The following UVRAG variants were observed in gnomAD, a reference collection of about 807,000 sequenced individuals.
UVRAG encodes the protein UV radiation resistance-associated gene protein.
In UVRAG, 19 loss-of-function variants were observed where a neutral mutation model predicts 78.0. That is an observed-to-expected ratio of 0.24 (90% CI 0.17 to 0.36). The LOEUF is 0.36. Among genes scored for constraint, UVRAG ranks in the 10% least tolerant of loss-of-function variants. UVRAG has a pLI of 1.00. For synonymous variants in UVRAG, 323 were observed against 324.6 expected (o/e 1.00, Z 0.05); for missense variants, 740 against 853.8 (o/e 0.87, Z 1.66).
intron 13 of UVRAG, among the ~76,000 whole-genome samples, chr11:76,092,781 A>G (rs1202050119): frequency 6.6e-6 from 1 of 152,118 alleles, no homozygotes; most frequent in Non-Finnish European, 1.5e-5. Flanking sequence ...CCCATTCTGT[A>G]GGTCACCTGT....
intron 5 of UVRAG, among the ~76,000 whole-genome samples, chr11:75,904,760 A>C (rs1662046919): frequency 6.6e-6 from 1 of 151,334 alleles, no homozygotes; most frequent in Non-Finnish European, 1.5e-5. Flanking sequence ...GTGAGTATTA[A>C]ATGTGTTAAC....
chr11:76,016,910 A>G lies in UVRAG; in HGVS notation c.1156A>G (p.Ile386Val), dbSNP rs770597450. Residue 386 changes from isoleucine (I) to valine (V), a missense_variant, in exon 12 of 15, where the codon ATA becomes GTA. Ile to Val is a conservative substitution (Grantham distance 29). Coordinates refer to ENST00000356136, the MANE Select transcript of UVRAG (RefSeq NM_003369.4). ...FFLQVPLRYP[I>V]IHKGSRSTIK... ...CCTACAAGTGCCCCTCAGATATCCT[A>G]TAATTCATAAGGGGTCTAGATCAAC... is the stretch of plus-strand genomic sequence containing the variant. 2.3e-5 allele frequency: 37 copies of G among 1,612,238 alleles called. No homozygotes were observed. The highest frequency in any genetic ancestry group is 1.1e-4 in the African/African-American group (8 of 74,864).
intron 13 of UVRAG, among the ~76,000 whole-genome samples, chr11:76,112,230 C>CA: frequency 6.6e-6 from 1 of 152,186 alleles, no homozygotes; most frequent in South Asian, 2.1e-4. Context: ...GATCAGGAAC[C>CA]AGCATGTTAA....
intron 6 of UVRAG, among the ~76,000 whole-genome samples, chr11:75,953,085 G>A (rs1163606781): frequency 2.0e-5 from 3 of 152,080 alleles, no homozygotes; most frequent in African/African-American, 7.2e-5. Context: ...TGAAGGATCT[G>A]TAGTGATGTC....
intron 5 of UVRAG, chr11:75,892,293 G>C (rs1947228228): frequency 1.0e-6 from 1 of 982,508 alleles, no homozygotes; most frequent in Non-Finnish European, 1.2e-6. Context: ...AGAGGAGTGA[G>C]TGGAGGACAC....
At chr11:76,064,397 T>C (rs868170665) in intron 12 of UVRAG, among the ~76,000 whole-genome samples, 15 of 152,356 alleles carry the variant, frequency 9.8e-5, no homozygotes, top group African/African-American at 3.4e-4. Flanking sequence ...CCAGACATCT[T>C]GCAACAGCCT....
rs1230010703 is a variant in UVRAG at position 76,065,586 on chromosome 11, C to G, written c.1227-124C>G. 5.6e-6 allele frequency: 4 copies of G among 718,186 alleles called. No homozygotes were observed. The East Asian group carries it at 7.5e-5, about 13-fold the overall frequency. 44.5% of individuals were successfully genotyped at this position (718,186 alleles called of 1,614,324 possible). ...TGTCAGTAGATTGCAATGACTATAG[C>G]TAGGTGACTTAGTCCAATTCAGATG... On this transcript the variant is annotated intron_variant, in intron 12 of 14. Coordinates refer to ENST00000356136, the MANE Select transcript of UVRAG (RefSeq NM_003369.4).
At chr11:75,949,455 T>G (rs1030903069) in intron 6 of UVRAG, among the ~76,000 whole-genome samples, 1 of 152,078 alleles carries the variant, frequency 6.6e-6, no homozygotes, top group Non-Finnish European at 1.5e-5. Flanking sequence ...CATTTTTATC[T>G]CTGGCCAAGA....
intron 10 of UVRAG, 67 bp from the exon 11 acceptor site, chr11:76,008,740 G>C: frequency 3.3e-6 from 3 of 899,946 alleles, no homozygotes; most frequent in Non-Finnish European, 5.1e-6. Flanking sequence ...CCGACCTGCT[G>C]ATCTGAGATT....
At chr11:75,918,919 G>GC (rs761132942) in intron 6 of UVRAG, among the ~76,000 whole-genome samples, 2 of 152,118 alleles carry the variant, frequency 1.3e-5, no homozygotes, top group African/African-American at 2.4e-5. Context: ...CTTTCTTTCA[G>GC]CCCCTGCTCT....
chr11:76,131,675 C>T (rs1324886061), intron 14 of UVRAG, among the ~76,000 whole-genome samples: 1 of 152,172 alleles, frequency 6.6e-6, no homozygotes, highest in Non-Finnish European at 1.5e-5. Flanking sequence ...AATATTGTTT[C>T]TATTTTTATT....
intron 1 of UVRAG, among the ~76,000 whole-genome samples, chr11:75,824,827 C>A (rs979534094): frequency 6.6e-6 from 1 of 151,780 alleles, no homozygotes; most frequent in African/African-American, 2.4e-5. Context: ...GCGCCTGCCA[C>A]CACGCCCGGC....
In UVRAG at chr11:76,125,950, CT is replaced by C. The variant is rs71036075; in HGVS notation, c.1397+9953del. 2.6e-3 allele frequency among the ~76,000 whole-genome samples: 362 copies of C among 137,644 alleles called. 1 individual carries two copies. The highest frequency in any genetic ancestry group is 5.0e-3 in the African/African-American group (188 of 37,810). The allele number at this position is 137,644 out of a possible 152,430, so 90.3% of individuals were successfully genotyped here. A position where few individuals can be genotyped will look rare whatever the true frequency, so the allele number is the denominator to read the frequency against. ...ATAAATTTAAATATTCTGGCAGTCA[CT>C]TTTTTTTTTTTTTTTTTAGACAGAG... On this transcript the variant is annotated intron_variant, in intron 14 of 14. Transcript: ENST00000356136.
At chr11:75,824,085 G>A (rs1168997268) in intron 1 of UVRAG, among the ~76,000 whole-genome samples, 2 of 151,824 alleles carry the variant, frequency 1.3e-5, no homozygotes, top group African/African-American at 4.8e-5. Flanking sequence ...AGCTTTATTG[G>A]CAAGGCCGTT....
At chr11:75,954,668 T>C (rs1409139647) in intron 6 of UVRAG, among the ~76,000 whole-genome samples, 1 of 152,244 alleles carries the variant, frequency 6.6e-6, no homozygotes, top group Non-Finnish European at 1.5e-5. Flanking sequence ...AGCAAATACA[T>C]TTTGAGTCCC....
Position 75,912,107 on chromosome 11 carries a change from A to G in UVRAG, c.593+68A>G, listed in dbSNP as rs182782486. The G allele has an allele frequency of 5.1e-6, 6 of 1,175,460 alleles. No individual in the cohort carries two copies. In the Admixed American group the frequency reaches 5.6e-5, roughly 11 times the overall value. The allele number at this position is 1,175,460 out of a possible 1,614,324, so 72.8% of individuals were successfully genotyped here. On this transcript the variant is annotated intron_variant, in intron 6 of 14. Coordinates refer to ENST00000356136, the MANE Select transcript of UVRAG (RefSeq NM_003369.4). ...CTCATTTTGAGTTTGTGACATTTCA[A>G]TGTGAGAAAATTAACGGAAGCTTTA...
At chr11:76,123,629 T>C (rs1216101715) in intron 14 of UVRAG, among the ~76,000 whole-genome samples, 2 of 152,232 alleles carry the variant, frequency 1.3e-5, no homozygotes, top group African/African-American at 4.8e-5. Flanking sequence ...TTATAGAGCT[T>C]AAACTATGTA....
In UVRAG at chr11:75,964,778, A is replaced by G. The variant is rs542442733; in HGVS notation, c.699+3229A>G. On this transcript the variant is annotated intron_variant, in intron 7 of 14. Coordinates refer to ENST00000356136, the MANE Select transcript of UVRAG (RefSeq NM_003369.4). The stretch of plus-strand genomic sequence containing the variant: ...TTAGCTGGGTGTGGTTCTATAGTTC[A>G]TTGTTTTGTATCACGTACGTAAGGG... Among the ~76,000 whole-genome samples the G allele has an allele frequency of 2.7e-4, 41 of 152,226 alleles. No individual in the cohort carries two copies. The South Asian group carries it at 8.3e-3, about 31-fold the overall frequency.
intron 8 of UVRAG, among the ~76,000 whole-genome samples, chr11:75,997,673 A>G (rs1949733747): frequency 6.6e-6 from 1 of 152,224 alleles, no homozygotes; most frequent in African/African-American, 2.4e-5. Flanking sequence ...TCTCCAAGAT[A>G]CAAAGTAGAT....
Sources: allele counts gnomAD v4.1 joint callset (sites outside exome capture counted in the v4.1 genomes callset), GRCh38; gene constraint gnomAD v4.1.1; transcripts MANE v1.5; gene names NCBI Gene and HGNC (gene_info 2026-07-23, HGNC 2026-07-21).